The following ANKRD28 variants were observed in gnomAD, a reference collection of about 807,000 sequenced individuals.
ANKRD28 encodes the protein serine/threonine-protein phosphatase 6 regulatory ankyrin repeat subunit A.
Under a neutral mutation model 126.5 loss-of-function variants are expected in ANKRD28, and 44 were observed. The ratio of observed to expected loss-of-function variants is 0.35; its 90% CI spans 0.27 to 0.45. ANKRD28 has a LOEUF of 0.45. Among genes scored for constraint, ANKRD28 ranks in the 20% least tolerant of loss-of-function variants. ANKRD28 has a pLI of 1.00. For missense variants in ANKRD28, 1,110 were observed against 1,316.6 expected (o/e 0.84, Z 2.43); for synonymous variants, 442 against 468.5 (o/e 0.94, Z 0.73).
chr3:15,686,736 A>G (rs1382087759), intron 18 of ANKRD28, among the ~76,000 whole-genome samples: 2 of 152,228 alleles, frequency 1.3e-5, no homozygotes, highest in Non-Finnish European at 2.9e-5. Context: ...GACTACTGAG[A>G]TGCCGATAAG....
chr3:15,729,318 G>A (rs143800888), intron 6 of ANKRD28, among the ~76,000 whole-genome samples: 9 of 152,158 alleles, frequency 5.9e-5, no homozygotes, highest in South Asian at 2.1e-4. Flanking sequence ...TATGTGGAAC[G>A]TTCTGCTTGG....
intron 12 of ANKRD28, among the ~76,000 whole-genome samples, chr3:15,710,342 G>T (rs2072072493): frequency 6.6e-6 from 1 of 152,146 alleles, no homozygotes; most frequent in South Asian, 2.1e-4. Flanking sequence ...ATGTTACAAT[G>T]AAAACTGTAA....
rs1036231907 is a variant in ANKRD28, at chr3:15,818,922, G to T, written c.28-23616C>A. Among the ~76,000 whole-genome samples, 13 of 152,226 alleles carry T rather than the reference G, an allele frequency of 8.5e-5. No individual in the cohort carries two copies. The East Asian group carries it at 2.5e-3, about 29-fold the overall frequency. On this transcript the variant is annotated intron_variant, in intron 1 of 27. Transcript: ENST00000399451. ...TGTGAAATTCATATGGAAAGGAAAAGAAATTAGAAAAACCAAAGCAATTTT... is the reference window on the plus strand; with the variant it reads ...TGTGAAATTCATATGGAAAGGAAAATAAATTAGAAAAACCAAAGCAATTTT...
rs999095415 is a variant in ANKRD28 at position 15,796,432 on chromosome 3, T to C, written c.90A>G (p.Leu30=). 1.6e-6 allele frequency: 2 copies of C among 1,288,202 alleles called. No individual in the cohort carries two copies. The highest frequency in any genetic ancestry group is 2.0e-6 in the Non-Finnish European group (2 of 987,846). 79.8% of individuals were successfully genotyped at this position (1,288,202 alleles called of 1,614,324 possible). A position where few individuals can be genotyped will look rare whatever the true frequency, so the allele number is the denominator to read the frequency against. Residue 30 remains leucine (L), a synonymous_variant, in exon 1 of 28, where the codon CTA becomes CTG. Transcript: ENST00000683139. ...ISKLPQENKS[L]HSPPSGNVLP... ...ATACATTTCCAGAAGGTGGAGAATG[T>C]AGGGATTTATTTTCCTGTGGCAATT...
intron 6 of ANKRD28, chr3:15,733,225 T>G (rs2074776151): frequency 6.6e-6 from 1 of 152,188 alleles, no homozygotes; most frequent in South Asian, 2.1e-4. Flanking sequence ...TACAGATTAC[T>G]TCAGGTTCTT....
At chr3:15,790,047 A>G (rs952255611) in intron 2 of ANKRD28, among the ~76,000 whole-genome samples, 1 of 152,120 alleles carries the variant, frequency 6.6e-6, no homozygotes, top group Non-Finnish European at 1.5e-5. Flanking sequence ...GAAAATATAG[A>G]AGAAATGGAC....
At chr3:15,683,191 A>G (rs2067723179) in intron 21 of ANKRD28, among the ~76,000 whole-genome samples, 1 of 152,096 alleles carries the variant, frequency 6.6e-6, no homozygotes, top group Non-Finnish European at 1.5e-5. Flanking sequence ...CTTCAGGGAT[A>G]TATTTTTTTA....
At chr3:15,810,273 GA>G (rs953638649) in intron 1 of ANKRD28, among the ~76,000 whole-genome samples, 55 of 139,802 alleles carry the variant, frequency 3.9e-4, no homozygotes, top group East Asian at 2.6e-3. Context: ...TTCTCTGGGA[GA>G]AAAAAAAAAA....
chr3:15,814,569 A>T lies in ANKRD28; in HGVS notation c.28-19263T>A, dbSNP rs984704800. ...TTGGCTTCCCAGAAGAGACTTAAAAAGTGGTGTTTGTTTCTTAGAATTCCT... is the reference window on the plus strand; with the variant it reads ...TTGGCTTCCCAGAAGAGACTTAAAATGTGGTGTTTGTTTCTTAGAATTCCT... On this transcript the variant is annotated intron_variant, in intron 1 of 27. Coordinates refer to the ANKRD28 transcript ENST00000399451. This position sits in a 1 kb window ranked among gnomAD's most constrained non-coding sequence, Gnocchi z 4.7. Among the ~76,000 whole-genome samples, 4 of 152,158 alleles carry T rather than the reference A, an allele frequency of 2.6e-5. No homozygotes were observed. The highest frequency in any genetic ancestry group is 7.2e-5 in the African/African-American group (3 of 41,460).
At chr3:15,795,917 A>C (rs1322403835) in intron 1 of ANKRD28, among the ~76,000 whole-genome samples, 2 of 152,194 alleles carry the variant, frequency 1.3e-5, no homozygotes, top group East Asian at 3.8e-4. Flanking sequence ...AAGGTATACT[A>C]TACTAGTCAA....
intron 1 of ANKRD28, among the ~76,000 whole-genome samples, chr3:15,825,468 G>C (rs1010418992): frequency 6.6e-6 from 1 of 152,132 alleles, no homozygotes; most frequent in East Asian, 1.9e-4. Context: ...GGCGGTGGGG[G>C]AGGAAGGCTG....
chr3:15,857,638 A>G (rs958857931), intron 1 of ANKRD28, among the ~76,000 whole-genome samples: 5 of 152,236 alleles, frequency 3.3e-5, no homozygotes, highest in African/African-American at 1.2e-4. Context: ...GGATATACAT[A>G]AGACTGGAGT....
At chr3:15,699,131 G>T (rs899486898) in intron 14 of ANKRD28, among the ~76,000 whole-genome samples, 2 of 152,112 alleles carry the variant, frequency 1.3e-5, no homozygotes, top group Non-Finnish European at 2.9e-5. Flanking sequence ...ACAAAAACTA[G>T]CAATGGGGAA....
At chr3:15,727,564 C>CAAAAAAAA (rs59584114) in intron 6 of ANKRD28, among the ~76,000 whole-genome samples, 44 of 65,920 alleles carry the variant, frequency 6.7e-4, no homozygotes, top group East Asian at 1.1e-3. Context: ...GAAACTCTGT[C>CAAAAAAAA]AAAAAAAAAA....
intron 2 of ANKRD28, among the ~76,000 whole-genome samples, chr3:15,777,354 C>T (rs1237994447): frequency 6.6e-6 from 1 of 151,988 alleles, no homozygotes; most frequent in Non-Finnish European, 1.5e-5. Flanking sequence ...CCCATGCCCC[C>T]TCCCCAAAGC....
intron 14 of ANKRD28, among the ~76,000 whole-genome samples, chr3:15,698,438 G>A (rs2070015690): frequency 1.3e-5 from 2 of 152,176 alleles, no homozygotes; most frequent in African/African-American, 4.8e-5. Context: ...TAGGAAAAGA[G>A]GAAGTCAAAT....
At chr3:15,737,478 T>C (rs1410029029) in intron 4 of ANKRD28, among the ~76,000 whole-genome samples, 1 of 22,718 alleles carries the variant, frequency 4.4e-5, no homozygotes, top group Non-Finnish European at 8.5e-5. Flanking sequence ...TCCCTTTCCC[T>C]ACCCTACCAT....
At chr3:15,741,858 T>A (rs1174936912) in intron 4 of ANKRD28, among the ~76,000 whole-genome samples, 1 of 151,966 alleles carries the variant, frequency 6.6e-6, no homozygotes, top group Non-Finnish European at 1.5e-5. Context: ...TGCCTCAGCC[T>A]GCCGAGTGCC....
Position 15,737,198 on chromosome 3 carries a change from A to G in ANKRD28, c.387T>C (p.Asp129=), listed in dbSNP as rs775003666. Residue 129 remains aspartate (D), a synonymous_variant, in exon 5 of 28, where the codon GAT becomes GAC. Transcript: ENST00000683139. ...GCCAATTTTTGTCTCGAGCATTAAC[A>G]TCTGCAGAATGCTTCAAAAGTACCT... ...AVQVLLKHSA[D]VNARDKNWQT... is the part of the protein sequence containing the mutation. The G allele has an allele frequency of 1.2e-6, 2 of 1,614,006 alleles. No individual in the cohort carries two copies. The highest frequency in any genetic ancestry group is 1.7e-6 in the Non-Finnish European group (2 of 1,179,876).
Sources: allele counts gnomAD v4.1 joint callset (sites outside exome capture counted in the v4.1 genomes callset), GRCh38; gene constraint gnomAD v4.1.1; non-coding constraint Gnocchi (gnomAD v3.1); transcripts MANE v1.5; gene names NCBI Gene and HGNC (gene_info 2026-07-23, HGNC 2026-07-21).